BTBD8: variants seen among roughly 807,000 people sequenced by gnomAD.
The protein encoded by BTBD8 is BTB domain containing 8.
A neutral mutation model predicts 162.9 loss-of-function variants in BTBD8; 110 were observed. The ratio of observed to expected loss-of-function variants is 0.68; its 90% confidence interval spans 0.58 to 0.79. The LOEUF (loss-of-function observed/expected upper bound fraction) is 0.79. Among genes scored for constraint, BTBD8 ranks in the 30% least tolerant of loss-of-function variants. BTBD8 has a pLI of 0.00. For missense variants in BTBD8, 1,905 were observed against 2,085.4 expected, an observed-to-expected ratio of 0.91 and a Z score of 1.68; for synonymous variants, 667 against 716.1, an observed-to-expected ratio of 0.93 and a Z score of 1.10.
intron 6 of BTBD8, chr1:92,140,024 C>A (rs1649734955): frequency 7.2e-6 from 1 of 139,776 alleles, no homozygotes; most frequent in East Asian, 2.4e-4. Context: ...GCAGGAGAAT[C>A]GCTTGAACCT....
At chr1:92,179,209 A>G (rs1427742723) in intron 16 of BTBD8, among the ~76,000 whole-genome samples, 1 of 151,000 alleles carries the variant, frequency 6.6e-6, no homozygotes, top group African/African-American at 2.4e-5. Flanking sequence ...TCTTGCCTCT[A>G]TACTCCAGGC....
chr1:92,179,171 G>T (rs1011948326), intron 16 of BTBD8, among the ~76,000 whole-genome samples: 3 of 151,802 alleles, frequency 2.0e-5, no homozygotes, highest in Non-Finnish European at 4.4e-5. Context: ...GCTTGAACCT[G>T]GGAGGCGGAG....
At chr1:92,147,968 A>T in intron 9 of BTBD8, 182 bp downstream of exon 9, 1 of 577,494 alleles carries the variant, frequency 1.7e-6, no homozygotes, top group Non-Finnish European at 3.0e-6. Flanking sequence ...TACCCAGCTC[A>T]TCAGTCAGGG....
intron 9 of BTBD8, among the ~76,000 whole-genome samples, chr1:92,148,055 G>A (rs55742852): frequency 2.2e-3 from 331 of 152,216 alleles, no homozygotes; most frequent in Admixed American, 5.4e-3. Flanking sequence ...ACAGAGAAAG[G>A]CTTATGCGTT....
intron 3 of BTBD8, among the ~76,000 whole-genome samples, chr1:92,104,457 T>A (rs1197521101): frequency 6.6e-6 from 1 of 152,182 alleles, no homozygotes; most frequent in Non-Finnish European, 1.5e-5. Flanking sequence ...ACTCTAAGAC[T>A]CAGAGAGCAT....
intron 9 of BTBD8, among the ~76,000 whole-genome samples, chr1:92,149,863 G>A (rs1033743253): frequency 2.6e-5 from 4 of 152,122 alleles, no homozygotes; most frequent in Admixed American, 1.3e-4. Flanking sequence ...CCAGACTGGA[G>A]GCAGTAAGAC....
At chr1:92,090,923 C>T (rs1174281476) in intron 2 of BTBD8, among the ~76,000 whole-genome samples, 2 of 152,020 alleles carry the variant, frequency 1.3e-5, no homozygotes, top group Non-Finnish European at 2.9e-5. Flanking sequence ...CGGAGCAAGA[C>T]TCCATCTCAA....
intron 4 of BTBD8, among the ~76,000 whole-genome samples, chr1:92,127,851 G>A (rs931414515): frequency 6.6e-6 from 1 of 152,088 alleles, no homozygotes; most frequent in Admixed American, 6.6e-5. Context: ...GTGAGCCACC[G>A]TGCCCGACCG....
Position 92,131,452 on chromosome 1 carries a change from G to A in BTBD8, c.752+1676G>A, listed in dbSNP as rs114457395. Among the ~76,000 whole-genome samples, 269 of 152,144 alleles carry A rather than the reference G, an allele frequency of 1.8e-3. 3 individuals carry two copies. The highest frequency in any genetic ancestry group is 5.9e-3 in the African/African-American group (244 of 41,526). On this transcript the variant is annotated intron_variant, in intron 5 of 17. Transcript: ENST00000636805. ...AAAATACATTATGTAGGGCGGGCAC[G>A]GTGGCTCCCACCTGTAATCCCAGCA... is the stretch of plus-strand genomic sequence containing the variant.
intron 1 of BTBD8, among the ~76,000 whole-genome samples, chr1:92,086,320 GACCC>G (rs2101891102): frequency 6.6e-6 from 1 of 152,270 alleles, no homozygotes; most frequent in Non-Finnish European, 1.5e-5. Context: ...AGGGGTTTTA[GACCC>G]TGGACCGCAG....
chr1:92,168,033 A>C (rs1287855548), intron 11 of BTBD8, 48 bp downstream of exon 11: 48 of 1,459,526 alleles, frequency 3.3e-5, no homozygotes, highest in Non-Finnish European at 4.2e-5. Flanking sequence ...ATTTGAACTA[A>C]GATTTTTAGA....
chr1:92,161,606 G>A (rs1047082483), intron 9 of BTBD8, among the ~76,000 whole-genome samples: 2 of 152,176 alleles, frequency 1.3e-5, no homozygotes, highest in Non-Finnish European at 2.9e-5. Context: ...CTCTTAATTT[G>A]ATGAGCAGAT....
At chr1:92,153,111 C>T (rs1650084255) in intron 9 of BTBD8, among the ~76,000 whole-genome samples, 1 of 141,956 alleles carries the variant, frequency 7.0e-6, no homozygotes, top group African/African-American at 2.6e-5. Context: ...ATAATAGGTA[C>T]ATGCAATATT....
chr1:92,182,686 T>A, intron 17 of BTBD8, 91 bp downstream of exon 17: 1 of 724,870 alleles, frequency 1.4e-6, no homozygotes, highest in Non-Finnish European at 2.1e-6. Flanking sequence ...TATATTTTAG[T>A]CAGATAGAAT....
intron 4 of BTBD8, among the ~76,000 whole-genome samples, chr1:92,128,743 A>G (rs888440530): frequency 6.6e-6 from 1 of 152,076 alleles, no homozygotes; most frequent in Non-Finnish European, 1.5e-5. Context: ...ATAGAATTTC[A>G]TAGTTCTGTA....
At chr1:92,121,248 G>GT (rs1016616860) in intron 4 of BTBD8, among the ~76,000 whole-genome samples, 58 of 152,248 alleles carry the variant, frequency 3.8e-4, no homozygotes, top group African/African-American at 1.3e-3. Context: ...TGGTTGTGAT[G>GT]TTTTATTCAT....
At chr1:92,112,364 T>C (rs1489831450) in intron 4 of BTBD8, among the ~76,000 whole-genome samples, 6 of 152,082 alleles carry the variant, frequency 3.9e-5, no homozygotes, top group Non-Finnish European at 2.9e-5. Flanking sequence ...GTGAGTGCCA[T>C]TGCATTCCAG....
At chr1:92,104,822 C>G (rs569835610) in intron 3 of BTBD8, among the ~76,000 whole-genome samples, 1 of 152,142 alleles carries the variant, frequency 6.6e-6, no homozygotes, top group South Asian at 2.1e-4. Flanking sequence ...ATTTCTCAGT[C>G]TTTTTTACTG....
chr1:92,150,138 G>A (rs1302073608), intron 9 of BTBD8, among the ~76,000 whole-genome samples: 2 of 152,118 alleles, frequency 1.3e-5, no homozygotes, highest in Admixed American at 6.6e-5. Context: ...CTAATTTGAC[G>A]TTAAGCAAAA....
Sources: allele counts gnomAD v4.1 joint callset (sites outside exome capture counted in the v4.1 genomes callset), GRCh38; gene constraint gnomAD v4.1.1; transcripts MANE v1.5; gene names NCBI Gene and HGNC (gene_info 2026-07-23, HGNC 2026-07-21).